The following STIM1 variants were observed in gnomAD, a reference collection of about 807,000 sequenced individuals.
STIM1 encodes stromal interaction molecule 1.
Under a neutral mutation model 74.7 loss-of-function variants are expected in STIM1, and 25 were observed. That is an observed-to-expected ratio of 0.33 (90% CI 0.24 to 0.47). The LOEUF is 0.47. Ranked by LOEUF, STIM1 falls within the 20% of genes least tolerant of loss-of-function variation. The pLI is 1.00. For missense variants in STIM1, 728 were observed against 920.8 expected (o/e 0.79, Z 2.71); for synonymous variants, 328 against 348.8 (o/e 0.94, Z 0.66).
intron 3 of STIM1, among the ~76,000 whole-genome samples, chr11:4,046,199 G>C (rs1590671160): frequency 6.6e-6 from 1 of 151,190 alleles, no homozygotes; most frequent in Non-Finnish European, 1.5e-5. Flanking sequence ...CAAGTAGCTG[G>C]GATCACAGGC....
rs545850027 is a variant in STIM1, at chr11:3,895,644, T to C, written c.139+39235T>C. On this transcript the variant is annotated intron_variant, in intron 1 of 12. Transcript: ENST00000526596. ...TTTCTTTCTTTCTTTCTTTCTTTCTTTCTTTCTTTCTTTCTTTCTTTCTTT... is the reference window on the plus strand; with the variant it reads ...TTTCTTTCTTTCTTTCTTTCTTTCTCTCTTTCTTTCTTTCTTTCTTTCTTT... 2.9e-3 allele frequency among the ~76,000 whole-genome samples: 25 copies of C among 8,554 alleles called. 1 individual carries two copies. Among genetic ancestry groups the C allele is most frequent in the African/African-American group, 6.1e-3 (23 of 3,772 alleles). The allele number at this position is 8,554 out of a possible 152,430, so 5.6% of individuals were successfully genotyped here.
At chr11:4,083,563 C>A in intron 10 of STIM1, 65 bp downstream of exon 10, 1 of 1,490,330 alleles carries the variant, frequency 6.7e-7, no homozygotes. Context: ...AAGTCTGTGG[C>A]CTCTGTTGTG....
intron 3 of STIM1, among the ~76,000 whole-genome samples, chr11:4,053,376 A>G (rs966257152): frequency 6.6e-6 from 1 of 152,238 alleles, no homozygotes; most frequent in Non-Finnish European, 1.5e-5. Context: ...TGTGGCACAT[A>G]TACACCATGG....
At chr11:4,033,394 T>C (rs938600927) in intron 3 of STIM1, among the ~76,000 whole-genome samples, 2 of 152,212 alleles carry the variant, frequency 1.3e-5, no homozygotes, top group African/African-American at 2.4e-5. Context: ...AAAATGTATA[T>C]TCTATGAAGT....
chr11:3,932,026 C>T (rs529864443), intron 1 of STIM1, among the ~76,000 whole-genome samples: 23 of 152,216 alleles, frequency 1.5e-4, no homozygotes, highest in African/African-American at 3.9e-4. Context: ...TTTTCCTGCC[C>T]GGCCTGTTGC....
chr11:3,984,957 G>T (rs1216437528), intron 2 of STIM1, among the ~76,000 whole-genome samples: 5 of 152,190 alleles, frequency 3.3e-5, no homozygotes, highest in Non-Finnish European at 5.9e-5. Flanking sequence ...GATCTTATAT[G>T]TACTGGTGTA....
chr11:3,936,877 A>G (rs2092938395), intron 1 of STIM1, among the ~76,000 whole-genome samples: 1 of 152,204 alleles, frequency 6.6e-6, no homozygotes, highest in Non-Finnish European at 1.5e-5. Flanking sequence ...TTGTGGCTTC[A>G]GAAGGGGTAA....
Position 4,013,344 on chromosome 11 carries a change from A to G in STIM1, c.271-10529A>G, listed in dbSNP as rs2093858713. Reference sequence around the variant, plus strand: ...TGTGGTAGAATTTGGCTGTGAATCCATCTGGTCCTGGACTTTTCTTGGTTG... The same window carrying G: ...TGTGGTAGAATTTGGCTGTGAATCCGTCTGGTCCTGGACTTTTCTTGGTTG... On this transcript the variant is annotated intron_variant, in intron 2 of 12. Coordinates refer to ENST00000526596, the MANE Select transcript of STIM1 (RefSeq NM_001382567.1). 4.6e-5 allele frequency among the ~76,000 whole-genome samples: 7 copies of G among 152,250 alleles called. No individual in the cohort carries two copies. The South Asian group carries it at 1.5e-3, about 32-fold the overall frequency.
At chr11:4,086,405 C>T (rs1409593240) in intron 11 of STIM1, 72 bp from the exon 12 acceptor site, 4 of 1,565,006 alleles carry the variant, frequency 2.6e-6, no homozygotes, top group African/African-American at 2.7e-5. Context: ...AGCATTTATT[C>T]ATGGGCACCT....
intron 2 of STIM1, among the ~76,000 whole-genome samples, chr11:3,989,981 A>G (rs143799733): frequency 6.9e-4 from 105 of 152,316 alleles, no homozygotes; most frequent in African/African-American, 2.4e-3. Context: ...TGCAACCATC[A>G]CCTCAGTCAA....
At chr11:3,909,596 G>A (rs560819518) in intron 1 of STIM1, among the ~76,000 whole-genome samples, 5 of 152,146 alleles carry the variant, frequency 3.3e-5, no homozygotes, top group African/African-American at 9.6e-5. Flanking sequence ...AGGCTGAGGC[G>A]GGCGGATCAC....
At chr11:4,080,492 T>C (rs61897241) in intron 7 of STIM1, among the ~76,000 whole-genome samples, 5 of 136,734 alleles carry the variant, frequency 3.7e-5, no homozygotes, top group African/African-American at 1.0e-4. Flanking sequence ...TTTGAGACAG[T>C]GTCTCACTCT....
At chr11:3,913,414 T>C (rs2092596215) in intron 1 of STIM1, among the ~76,000 whole-genome samples, 2 of 151,992 alleles carry the variant, frequency 1.3e-5, no homozygotes, top group African/African-American at 4.8e-5. Context: ...TCTTGAACAC[T>C]TGGGCTCAAG....
chr11:3,864,650 T>C (rs2090781109), intron 1 of STIM1, among the ~76,000 whole-genome samples: 1 of 152,178 alleles, frequency 6.6e-6, no homozygotes, highest in Admixed American at 6.5e-5. Context: ...TCTTCTATAT[T>C]GTGTTTGTTA....
At chr11:3,898,689 T>C (rs1034847013) in intron 1 of STIM1, among the ~76,000 whole-genome samples, 50 of 152,036 alleles carry the variant, frequency 3.3e-4, no homozygotes, top group Admixed American at 1.1e-3. Flanking sequence ...AATTAATTTT[T>C]GTATAAGGTG....
intron 1 of STIM1, among the ~76,000 whole-genome samples, chr11:3,917,515 A>G (rs1319110473): frequency 6.6e-6 from 1 of 151,408 alleles, no homozygotes; most frequent in East Asian, 1.9e-4. Flanking sequence ...GTTCACTGCA[A>G]CCTTTACCTC....
intron 2 of STIM1, among the ~76,000 whole-genome samples, chr11:4,012,218 G>A (rs1006406244): frequency 2.0e-5 from 3 of 152,118 alleles, no homozygotes; most frequent in African/African-American, 7.2e-5. Context: ...CTCTTTTTTG[G>A]TTCCATATGA....
chr11:3,913,547 T>C (rs995980192), intron 1 of STIM1, among the ~76,000 whole-genome samples: 3 of 152,218 alleles, frequency 2.0e-5, no homozygotes, highest in African/African-American at 7.2e-5. Context: ...ACCGGGTTCC[T>C]GACTGTTTCT....
chr11:4,009,087 C>T lies in STIM1; in HGVS notation c.271-14786C>T, dbSNP rs934415763. ...CGGGCAGATCACGAGGTCAGGAGATCGAGACCATTCTGGCTAACACAGTGA... is the reference window on the plus strand; with the variant it reads ...CGGGCAGATCACGAGGTCAGGAGATTGAGACCATTCTGGCTAACACAGTGA... On this transcript the variant is annotated intron_variant, in intron 2 of 12. Coordinates refer to ENST00000526596, the MANE Select transcript of STIM1 (RefSeq NM_001382567.1). Among the ~76,000 whole-genome samples the T allele has an allele frequency of 1.7e-4, 25 of 146,310 alleles. No individual in the cohort carries two copies. The South Asian group carries it at 2.8e-3, about 17-fold the overall frequency.
Sources: gnomAD v4.1 joint callset for allele counts (sites outside exome capture counted in the v4.1 genomes callset) on GRCh38, gnomAD v4.1.1 for gene constraint, MANE v1.5 for transcripts, NCBI Gene and HGNC (gene_info 2026-07-23, HGNC 2026-07-21) for gene names.